Variants in AMPH observed in about 807,000 individuals in gnomAD.
AMPH encodes amphiphysin.
AMPH carries 49 observed loss-of-function variants against 99.1 expected under a neutral mutation model. The ratio of observed to expected loss-of-function variants is 0.49; its 90% confidence interval spans 0.39 to 0.63. AMPH has a LOEUF of 0.63. Among genes scored for constraint, AMPH ranks in the 20% least tolerant of loss-of-function variants. The probability of loss-of-function intolerance (pLI) is 0.00; values close to 1 mark genes in which losing one functional copy is unlikely to be tolerated. For synonymous variants in AMPH, 314 were observed against 317.3 expected (o/e 0.99, Z 0.11); for missense variants, 759 against 863.4 (o/e 0.88, Z 1.52).
chr7:38,497,656 T>G (rs3807412), intron 3 of AMPH, among the ~76,000 whole-genome samples: 85,366 of 152,006 alleles, frequency 0.56, 24,243 homozygotes, highest in African/African-American at 0.62. Context: ...CGATAAACCA[T>G]TAAAAGAACG....
intron 11 of AMPH, among the ~76,000 whole-genome samples, chr7:38,451,293 A>G (rs2129003223): frequency 7.2e-6 from 1 of 138,892 alleles, no homozygotes; most frequent in East Asian, 3.9e-4. Context: ...ATACACATGC[A>G]CACATATATA....
At chr7:38,619,460 C>T (rs1020215139) in intron 1 of AMPH, among the ~76,000 whole-genome samples, 1 of 152,102 alleles carries the variant, frequency 6.6e-6, no homozygotes, top group Non-Finnish European at 1.5e-5. Flanking sequence ...CTGAAGACTC[C>T]AATACCTTAG....
intron 3 of AMPH, among the ~76,000 whole-genome samples, chr7:38,495,461 C>T (rs1348037531): frequency 6.6e-6 from 1 of 152,140 alleles, no homozygotes; most frequent in East Asian, 1.9e-4. Flanking sequence ...TGCATATCAT[C>T]GCAGGGTGCA....
chr7:38,463,243 G>T, intron 9 of AMPH, 130 bp from the exon 10 acceptor site: 2 of 1,155,576 alleles, frequency 1.7e-6, no homozygotes, highest in South Asian at 1.3e-5. Flanking sequence ...CCCCTTCCAG[G>T]TTAATTCTGG....
chr7:38,507,200 G>GTT (rs199716161), intron 2 of AMPH, among the ~76,000 whole-genome samples: 7 of 150,650 alleles, frequency 4.6e-5, no homozygotes, highest in African/African-American at 1.5e-4. Flanking sequence ...ACACTGCAGA[G>GTT]TTTTTTTTTA....
intron 1 of AMPH, among the ~76,000 whole-genome samples, chr7:38,537,174 T>A (rs1337337566): frequency 5.3e-5 from 8 of 152,072 alleles, no homozygotes; most frequent in African/African-American, 1.9e-4. Flanking sequence ...GCAAAAAAAA[T>A]TCCCATCAAA....
chr7:38,535,258 T>C (rs1790555992), intron 1 of AMPH, among the ~76,000 whole-genome samples: 1 of 152,102 alleles, frequency 6.6e-6, no homozygotes, highest in African/African-American at 2.4e-5. Flanking sequence ...TGTGCTACAC[T>C]GCACTTATTT....
In AMPH at chr7:38,525,005, A is replaced by G. The variant is rs75462640; in HGVS notation, c.150+9926T>C. Among the ~76,000 whole-genome samples, 7 of 152,010 alleles carry G rather than the reference A, an allele frequency of 4.6e-5. No homozygotes were observed. The East Asian group carries it at 1.4e-3, about 29-fold the overall frequency. The stretch of plus-strand genomic sequence containing the variant: ...ATGTGAGTCTGTGGCTTCTGCCTTC[A>G]AGTGTGTTTGTTCTGACAGAGGCAG... On this transcript the variant is annotated intron_variant, in intron 2 of 20. Transcript: ENST00000356264.
In AMPH at chr7:38,417,735, A is replaced by G. The variant is rs951944301; in HGVS notation, c.1398+90T>C. On this transcript the variant is annotated intron_variant, in intron 17 of 20. Transcript: ENST00000356264. ...ATATGGAGCATGTTTGGCCCAAGTG[A>G]GGCAAAGATGAGAGCGATGCATATG... 3 of 1,518,508 alleles carry G rather than the reference A, an allele frequency of 2.0e-6. No individual in the cohort carries two copies. In the East Asian group the frequency reaches 6.9e-5, roughly 35 times the overall value. 94.1% of individuals were successfully genotyped at this position (1,518,508 alleles called of 1,614,324 possible).
chr7:38,479,912 A>T (rs1788227203), intron 5 of AMPH, among the ~76,000 whole-genome samples: 1 of 152,058 alleles, frequency 6.6e-6, no homozygotes, highest in South Asian at 2.1e-4. Context: ...ACACTAAGAG[A>T]TTCTGATTTA....
chr7:38,607,668 C>T lies in AMPH; in HGVS notation c.69+23615G>A, dbSNP rs117371187. 6.4e-4 allele frequency among the ~76,000 whole-genome samples: 98 copies of T among 152,232 alleles called. 1 individual carries two copies. The East Asian group carries it at 0.014, about 21-fold the overall frequency. On this transcript the variant is annotated intron_variant, in intron 1 of 20. Coordinates refer to ENST00000356264, the MANE Select transcript of AMPH (RefSeq NM_001635.4). ...GTTTAATTAATATCTGCTAAGTCAT[C>T]GATATCTATGACTGCACAATAAAAT...
intron 2 of AMPH, among the ~76,000 whole-genome samples, chr7:38,531,773 T>A (rs1280284588): frequency 1.3e-5 from 2 of 152,226 alleles, no homozygotes; most frequent in Non-Finnish European, 2.9e-5. Context: ...AAATATGGTT[T>A]CATTTTATAC....
At chr7:38,574,350 G>T (rs1792154516) in intron 1 of AMPH, among the ~76,000 whole-genome samples, 1 of 152,210 alleles carries the variant, frequency 6.6e-6, no homozygotes, top group Admixed American at 6.5e-5. Context: ...ACGGCATCTG[G>T]CCGGCAGACC....
intron 1 of AMPH, among the ~76,000 whole-genome samples, chr7:38,605,432 ACTTTCTAAGG>A (rs1217297650): frequency 6.6e-6 from 1 of 152,220 alleles, no homozygotes; most frequent in Non-Finnish European, 1.5e-5. Flanking sequence ...GACTTCTGGA[ACTTTCTAAGG>A]CTTTTGTGGA....
At chr7:38,525,172 T>C (rs1790116933) in intron 2 of AMPH, among the ~76,000 whole-genome samples, 1 of 145,606 alleles carries the variant, frequency 6.9e-6, no homozygotes, top group Admixed American at 7.2e-5. Context: ...TATATATATA[T>C]AGTTGTGTAT....
At chr7:38,495,477 A>G (rs1788897109) in intron 3 of AMPH, among the ~76,000 whole-genome samples, 1 of 152,174 alleles carries the variant, frequency 6.6e-6, no homozygotes, top group African/African-American at 2.4e-5. Context: ...GTGCACTTAC[A>G]AACCCACACT....
At chr7:38,491,497 C>G (rs1023142748) in intron 4 of AMPH, among the ~76,000 whole-genome samples, 1 of 152,158 alleles carries the variant, frequency 6.6e-6, no homozygotes, top group Non-Finnish European at 1.5e-5. Context: ...TTGACGCACT[C>G]CATGAAATCA....
intron 1 of AMPH, among the ~76,000 whole-genome samples, chr7:38,619,567 C>CA (rs1212859914): frequency 6.6e-6 from 1 of 152,108 alleles, no homozygotes; most frequent in Non-Finnish European, 1.5e-5. Flanking sequence ...CCAACAACAG[C>CA]AAAAAACAGT....
chr7:38,525,258 G>GTATATA lies in AMPH; in HGVS notation c.150+9667_150+9672dup, dbSNP rs141925117. On this transcript the variant is annotated intron_variant, in intron 2 of 20. Transcript: ENST00000356264. ...TATATATGTAGTTGTGTGTGTGTGT[G>GTATATA]TATATATATATATATATATAGAGAG... Among the ~76,000 whole-genome samples, 243 of 111,144 alleles carry GTATATA rather than the reference G, an allele frequency of 2.2e-3. 2 individuals carry two copies. Among genetic ancestry groups the GTATATA allele is most frequent in the East Asian group, 0.014 (47 of 3,292 alleles). The allele number at this position is 111,144 out of a possible 152,430, so 72.9% of individuals were successfully genotyped here.
Sources: gnomAD v4.1 joint callset for allele counts (sites outside exome capture counted in the v4.1 genomes callset) on GRCh38, gnomAD v4.1.1 for gene constraint, MANE v1.5 for transcripts, NCBI Gene and HGNC (gene_info 2026-07-23, HGNC 2026-07-21) for gene names.